Variants in SORCS2 observed in about 807,000 individuals in gnomAD.
SORCS2 encodes VPS10 domain-containing receptor SorCS2.
Under a neutral mutation model 141.6 loss-of-function variants are expected in SORCS2, and 100 were observed. The observed-to-expected ratio is 0.71, with a 90% confidence interval of 0.60 to 0.83. The LOEUF is 0.83. Ranked by LOEUF, SORCS2 falls within the 40% of genes least tolerant of loss-of-function variation. The pLI is 0.00. For synonymous variants in SORCS2, 789 were observed against 676.9 expected (o/e 1.17, Z -2.57); for missense variants, 1,646 against 1,560.2 (o/e 1.05, Z -0.93).
chr4:7,393,257 C>A (rs1159661896), intron 1 of SORCS2, among the ~76,000 whole-genome samples: 1 of 152,124 alleles, frequency 6.6e-6, no homozygotes. Flanking sequence ...TGGGAGGAGA[C>A]CCTTGGCAAT....
At chr4:7,248,692 G>A (rs2008088) in intron 1 of SORCS2, among the ~76,000 whole-genome samples, 37,718 of 152,034 alleles carry the variant, frequency 0.25, 5,143 homozygotes, top group East Asian at 0.52. Context: ...TCCTCTTTCC[G>A]GGTGTACACT....
chr4:7,506,680 G>C (rs925962553), intron 2 of SORCS2, among the ~76,000 whole-genome samples: 1 of 152,202 alleles, frequency 6.6e-6, no homozygotes, highest in African/African-American at 2.4e-5. Context: ...GTAGGGCTGT[G>C]GGGAGGCATA....
intron 1 of SORCS2, among the ~76,000 whole-genome samples, chr4:7,350,612 C>T (rs1246241955): frequency 4.6e-5 from 7 of 152,194 alleles, no homozygotes; most frequent in Non-Finnish European, 1.0e-4. Flanking sequence ...GCCAGGACTC[C>T]CGGCAGGCGG....
At position 7,531,560 on chromosome 4, in the gene SORCS2, G is replaced by A. The variant is rs200098579; in HGVS notation, c.579G>A (p.Lys193=). Residue 193 remains lysine, a synonymous_variant, in exon 3 of 27, where the codon AAG becomes AAA. Transcript: ENST00000507866. ...RSSDFGTSYT[K]LTLQPGVTTV... The stretch of plus-strand genomic sequence containing the variant: ...CAGATTTCGGGACGTCCTACACCAA[G>A]CTCACCCTCCAGCCTGGTGTCACCA... 7 of 1,613,928 alleles carry A rather than the reference G, an allele frequency of 4.3e-6. No individual in the cohort carries two copies. Among genetic ancestry groups the A allele is most frequent in the African/African-American group, 2.7e-5 (2 of 75,080 alleles).
intron 1 of SORCS2, among the ~76,000 whole-genome samples, chr4:7,372,508 A>C (rs1722323334): frequency 6.6e-6 from 1 of 152,086 alleles, no homozygotes; most frequent in South Asian, 2.1e-4. Context: ...GGGTTTCACC[A>C]TGTTGGCCAG....
chr4:7,303,466 T>C (rs1717580570), intron 1 of SORCS2, among the ~76,000 whole-genome samples: 2 of 152,232 alleles, frequency 1.3e-5, no homozygotes, highest in African/African-American at 2.4e-5. Flanking sequence ...TGAGATGCAT[T>C]AAGTATGAAC....
At chr4:7,360,877 G>T (rs1185506693) in intron 1 of SORCS2, among the ~76,000 whole-genome samples, 2 of 151,174 alleles carry the variant, frequency 1.3e-5, no homozygotes, top group African/African-American at 4.9e-5. Flanking sequence ...TGCCCGGCCC[G>T]CCCAGTCCCT....
At chr4:7,547,637 C>T (rs1266724459) in intron 3 of SORCS2, among the ~76,000 whole-genome samples, 1 of 152,212 alleles carries the variant, frequency 6.6e-6, no homozygotes, top group Non-Finnish European at 1.5e-5. Flanking sequence ...TGGTTCAGAT[C>T]CTGCCTCCTT....
intron 3 of SORCS2, among the ~76,000 whole-genome samples, chr4:7,552,363 G>T (rs1713776548): frequency 6.6e-6 from 1 of 152,164 alleles, no homozygotes; most frequent in African/African-American, 2.4e-5. Context: ...CTTTCAGCAG[G>T]GCAAAGAGGG....
intron 3 of SORCS2, among the ~76,000 whole-genome samples, chr4:7,631,351 A>T (rs1415042559): frequency 6.7e-6 from 1 of 148,614 alleles, no homozygotes; most frequent in Non-Finnish European, 1.5e-5. Flanking sequence ...GAGCCAGAGA[A>T]GGGCATCCAG....
rs899515170 is a variant in SORCS2 at position 7,256,372 on chromosome 4, C to A, written c.480+63246C>A. On this transcript the variant is annotated intron_variant, in intron 1 of 26. Transcript: ENST00000507866. ...CTTTCCTGGTTTTAAATGTTGACAA[C>A]CAATTAAAAATTAAAAAACAAAAAA... Among the ~76,000 whole-genome samples the A allele has an allele frequency of 1.4e-4, 22 of 152,142 alleles. 1 individual carries two copies. Among genetic ancestry groups the A allele is most frequent in the Admixed American group, 1.0e-3 (16 of 15,276 alleles).
chr4:7,626,391 A>C (rs763789197), intron 3 of SORCS2, among the ~76,000 whole-genome samples: 3 of 152,200 alleles, frequency 2.0e-5, no homozygotes, highest in Non-Finnish European at 2.9e-5. Context: ...TAGTCATTCC[A>C]TAGGTGTTTC....
intron 1 of SORCS2, among the ~76,000 whole-genome samples, chr4:7,332,399 G>A (rs974062844): frequency 3.9e-5 from 6 of 152,238 alleles, no homozygotes; most frequent in African/African-American, 1.2e-4. Flanking sequence ...TCTCCAGATA[G>A]GAATGTGGTG....
Position 7,697,231 on chromosome 4 carries a change from A to C in SORCS2, c.1625A>C (p.Glu542Ala). ...NLGSQLVEYK[E>A]EMYITSDCGH... ...GGCTCACAGCTGGTGGAATATAAAG[A>C]AGAAATGTACATCACGTCAGACTGT... The change falls in exon 12 of 27, where the codon GAA (glutamate) becomes GCA (alanine). Residue 542 changes from glutamate (E) to alanine (A), a missense_variant. Coordinates refer to ENST00000507866, the MANE Select transcript of SORCS2 (RefSeq NM_020777.3). 3 of 1,591,588 alleles carry C rather than the reference A, an allele frequency of 1.9e-6. No homozygotes were observed. Among genetic ancestry groups the C allele is most frequent in the African/African-American group, 2.7e-5 (2 of 74,658 alleles).
intron 13 of SORCS2, among the ~76,000 whole-genome samples, chr4:7,703,875 C>T (rs1383455562): frequency 2.6e-5 from 4 of 152,226 alleles, no homozygotes; most frequent in Non-Finnish European, 5.9e-5. Flanking sequence ...ACAATACCGG[C>T]CCTACCACGG....
chr4:7,516,935 C>G (rs560585224), intron 2 of SORCS2, among the ~76,000 whole-genome samples: 2 of 152,328 alleles, frequency 1.3e-5, no homozygotes, highest in East Asian at 3.9e-4. Context: ...CTGCAGTGTT[C>G]AAGCTCAGCC....
chr4:7,328,357 G>A (rs1719421638), intron 1 of SORCS2, among the ~76,000 whole-genome samples: 1 of 152,058 alleles, frequency 6.6e-6, no homozygotes. Flanking sequence ...TCTGATAGAT[G>A]TTTGTCACTG....
intron 2 of SORCS2, among the ~76,000 whole-genome samples, chr4:7,470,546 G>A (rs909289246): frequency 5.9e-5 from 9 of 152,252 alleles, no homozygotes; most frequent in African/African-American, 1.9e-4. Flanking sequence ...GGAGACCCAT[G>A]TGAGCTATTC....
intron 8 of SORCS2, among the ~76,000 whole-genome samples, chr4:7,672,698 C>T (rs1722868155): frequency 6.6e-6 from 1 of 152,170 alleles, no homozygotes; most frequent in Non-Finnish European, 1.5e-5. Flanking sequence ...GTCCTGGATA[C>T]CCCTCATATC....
Sources: gnomAD v4.1 joint callset for allele counts (sites outside exome capture counted in the v4.1 genomes callset) on GRCh38, gnomAD v4.1.1 for gene constraint, MANE v1.5 for transcripts, NCBI Gene and HGNC (gene_info 2026-07-23, HGNC 2026-07-21) for gene names.